Variants in KRT75 observed in about 807,000 individuals in gnomAD.
KRT75 encodes keratin 75.
In KRT75, 35 loss-of-function variants were observed where a neutral mutation model predicts 48.8. The observed-to-expected ratio is 0.72, with a 90% CI of 0.55 to 0.95. The LOEUF (loss-of-function observed/expected upper bound fraction) is 0.95, where lower values mean the gene tolerates loss of function less well. Ranked by LOEUF, KRT75 falls within the 40% of genes least tolerant of loss-of-function variation. KRT75 has a pLI of 0.00. For synonymous variants in KRT75, 301 were observed against 282.3 expected (o/e 1.07, Z -0.66); for missense variants, 776 against 709.9 (o/e 1.09, Z -1.06).
intron 8 of KRT75, among the ~76,000 whole-genome samples, chr12:52,425,076 G>A (rs947508903): frequency 2.0e-5 from 3 of 152,062 alleles, no homozygotes; most frequent in African/African-American, 4.8e-5. Flanking sequence ...CTCCCTGTCT[G>A]AGCCTGACTC....
intron 5 of KRT75, 130 bp downstream of exon 5, chr12:52,430,411 A>G: frequency 1.0e-6 from 1 of 985,804 alleles, no homozygotes; most frequent in Non-Finnish European, 1.6e-6. Flanking sequence ...TTGTCATAGC[A>G]TCAAAGACAT....
intron 1 of KRT75, among the ~76,000 whole-genome samples, chr12:52,433,553 T>A (rs1940174035): frequency 6.6e-6 from 1 of 152,118 alleles, no homozygotes; most frequent in African/African-American, 2.4e-5. Flanking sequence ...AACTCTCCTG[T>A]AGAGAATCAA....
Position 52,424,121 on chromosome 12 carries a change from C to A in KRT75, c.*396G>T, listed in dbSNP as rs142435194. ...CATTCCAGGGAGGGAACAGAGGGAGCACTCACTCCCAGCAGGCCACTTATA... is the reference window on the plus strand; with the variant it reads ...CATTCCAGGGAGGGAACAGAGGGAGAACTCACTCCCAGCAGGCCACTTATA... On this transcript the variant is annotated 3_prime_UTR_variant, in exon 9 of 9. Transcript: ENST00000252245. 758 of 319,050 alleles carry A rather than the reference C, an allele frequency of 2.4e-3. 9 individuals are homozygous for A. The highest frequency in any genetic ancestry group is 0.015 in the African/African-American group (702 of 46,964). The allele number at this position is 319,050 out of a possible 1,614,324, so 19.8% of individuals were successfully genotyped here. A position where few individuals can be genotyped will look rare whatever the true frequency, so the allele number is the denominator to read the frequency against.
In KRT75 at chr12:52,433,242, A is replaced by G. The variant is rs373848774; in HGVS notation, c.509T>C (p.Leu170Ser). The G allele has an allele frequency of 3.7e-6, 6 of 1,613,904 alleles. No homozygotes were observed. The highest frequency in any genetic ancestry group is 5.1e-6 in the Non-Finnish European group (6 of 1,179,922). The change falls in exon 2 of 9, where the codon TTG (leucine) becomes TCG (serine). Residue 170 changes from leucine (L) to serine (S), a missense_variant. Coordinates refer to ENST00000252245, the MANE Select transcript of KRT75 (RefSeq NM_004693.3). Reference sequence around the variant, plus strand: ...CTCCAGGACCTTGTTCTGCTGCTCCAAGAACCTCACCTGGAGGGAAGAAGA... The same window carrying G: ...CTCCAGGACCTTGTTCTGCTGCTCCGAGAACCTCACCTGGAGGGAAGAAGA... ...FASFIDKVRF[L>S]EQQNKVLETK...
chr12:52,431,775 G>C, intron 3 of KRT75, 137 bp from the exon 4 acceptor site: 1 of 805,516 alleles, frequency 1.2e-6, no homozygotes, highest in Admixed American at 2.1e-5. Context: ...TGGGGTTGGG[G>C]ATGGGTAATT....
intron 4 of KRT75, 135 bp from the exon 5 acceptor site, chr12:52,430,840 TC>T: frequency 1.0e-6 from 1 of 956,714 alleles, no homozygotes; most frequent in Non-Finnish European, 1.7e-6. Context: ...CCCTAGGTAT[TC>T]CCATTCATCC....
chr12:52,424,452 C>T lies in KRT75; in HGVS notation c.*65G>A. 1 of 1,395,174 alleles carries T rather than the reference C, an allele frequency of 7.2e-7. No individual in the cohort carries two copies. The highest frequency in any genetic ancestry group is 1.0e-6 in the Non-Finnish European group (1 of 980,304). The allele number at this position is 1,395,174 out of a possible 1,614,324, so 86.4% of individuals were successfully genotyped here. ...TACAAGGAGAGAGGAAGGAGGAGGA[C>T]CCTGGTGTCCAGGTGTGACTGCAAA... On this transcript the variant is annotated 3_prime_UTR_variant, in exon 9 of 9. Coordinates refer to ENST00000252245, the MANE Select transcript of KRT75 (RefSeq NM_004693.3).
At chr12:52,429,047 A>T (rs956287662) in intron 5 of KRT75, among the ~76,000 whole-genome samples, 1 of 152,186 alleles carries the variant, frequency 6.6e-6, no homozygotes, top group South Asian at 2.1e-4. Flanking sequence ...GTCTCTCCAG[A>T]GATGGAGATG....
Position 52,433,214 on chromosome 12 carries a change from G to A in KRT75, c.537C>T (p.Thr179=), listed in dbSNP as rs2232388. The A allele has an allele frequency of 1.3e-3, 2,091 of 1,613,946 alleles. 31 individuals carry two copies. The African/African-American group carries it at 0.024, about 19-fold the overall frequency. ...FLEQQNKVLE[T]KWALLQEQGS... Reference sequence around the variant, plus strand: ...CCTGCTCCTGCAGGAGGGCCCACTTGGTCTCCAGGACCTTGTTCTGCTGCT... The same window carrying A: ...CCTGCTCCTGCAGGAGGGCCCACTTAGTCTCCAGGACCTTGTTCTGCTGCT... The change falls in exon 2 of 9, where the codon ACC becomes ACT. Residue 179 remains threonine, a synonymous_variant. Transcript: ENST00000252245.
chr12:52,424,363 G>T lies in KRT75; in HGVS notation c.*154C>A. 1.3e-6 allele frequency: 1 copy of T among 777,006 alleles called. No homozygotes were observed. The highest frequency in any genetic ancestry group is 2.3e-6 in the Non-Finnish European group (1 of 434,258). The allele number at this position is 777,006 out of a possible 1,614,324, so 48.1% of individuals were successfully genotyped here. A position where few individuals can be genotyped will look rare whatever the true frequency, so the allele number is the denominator to read the frequency against. On this transcript the variant is annotated 3_prime_UTR_variant, in exon 9 of 9. Transcript: ENST00000252245. ...GTCTGGGCACTGTCAGGAGGGAGAG[G>T]CTGGCTTAGGCCTGGGAATGGGTAT...
In KRT75 at chr12:52,430,389, T is replaced by TGG. The variant is rs1291891411; in HGVS notation, c.1035+151_1035+152insCC. 216 of 840,736 alleles carry TGG rather than the reference T, an allele frequency of 2.6e-4. No individual in the cohort carries two copies. In the African/African-American group the frequency reaches 3.5e-3, roughly 13 times the overall value. 52.1% of individuals were successfully genotyped at this position (840,736 alleles called of 1,614,324 possible). On this transcript the variant is annotated intron_variant, in intron 5 of 8. Coordinates refer to ENST00000252245, the MANE Select transcript of KRT75 (RefSeq NM_004693.3). ...GTGTCTGGTTCGGTTTCCACATGCA[T>TGG]TTCAAGCTAAGTTGTCATAGCATCA...
chr12:52,429,897 G>C (rs887378859), intron 5 of KRT75, among the ~76,000 whole-genome samples: 2 of 152,212 alleles, frequency 1.3e-5, no homozygotes, highest in Non-Finnish European at 2.9e-5. Context: ...CTTTGCGGCT[G>C]TCTGAGCTCT....
At chr12:52,429,737 C>T (rs1440948401) in intron 5 of KRT75, among the ~76,000 whole-genome samples, 1 of 152,170 alleles carries the variant, frequency 6.6e-6, no homozygotes, top group Non-Finnish European at 1.5e-5. Flanking sequence ...CCTTCCTTTC[C>T]ACCACACTCC....
Position 52,430,547 on chromosome 12 carries a change from C to T in KRT75, c.1029G>A (p.Gln343=), listed in dbSNP as rs771055641. The T allele has an allele frequency of 1.1e-5, 17 of 1,614,004 alleles. No individual in the cohort carries two copies. The highest frequency in any genetic ancestry group is 1.4e-5 in the Non-Finnish European group (17 of 1,180,000). The change falls in exon 5 of 9, where the codon CAG becomes CAA. Residue 343 remains glutamine, a synonymous_variant. Coordinates refer to ENST00000252245, the MANE Select transcript of KRT75 (RefSeq NM_004693.3). ...RSRAEAESWY[Q]TKYEELQVTA... ...TGGAGGTGTCCATGCTCACCTTGGT[C>T]TGGTACCAGGACTCAGCCTCGGCCC...
In KRT75 at chr12:52,424,672, C is replaced by T. The variant is rs199738753; in HGVS notation, c.1501G>A (p.Gly501Ser). ...CCACCACTGGTGGTGAAGGAGTAGC[C>T]GCTGCCCCCACCGAGGCCCAGGTTT... is the stretch of plus-strand genomic sequence containing the variant. ...GGNLGLGGGS[G>S]YSFTTSGGHS... is the part of the protein sequence containing the mutation. The change falls in exon 9 of 9, where the codon GGC becomes AGC. Residue 501 changes from glycine to serine, a missense_variant. By Grantham distance (56) the Gly-to-Ser change is moderately conservative. Transcript: ENST00000252245. 1.0e-4 allele frequency: 161 copies of T among 1,614,078 alleles called. 1 individual carries two copies. The highest frequency in any genetic ancestry group is 6.5e-4 in the African/African-American group (49 of 75,034).
chr12:52,427,717 T>C (rs1402910744), intron 7 of KRT75, among the ~76,000 whole-genome samples: 1 of 152,252 alleles, frequency 6.6e-6, no homozygotes, highest in African/African-American at 2.4e-5. Flanking sequence ...GTTATTCACA[T>C]TTTATTGGAT....
chr12:52,428,365 G>T lies in KRT75; in HGVS notation c.1273C>A (p.Gln425Lys), dbSNP rs752947729. The change falls in exon 7 of 9, where the codon CAG (glutamine) becomes AAG (lysine). Residue 425 changes from glutamine to lysine, a missense_variant. Transcript: ENST00000252245. ...TCACGCAGGAGCCGAGCCATGTCCT[G>T]CTTGGCCTTCTGCAGGGCCTCCTCA... ...DLEEALQKAK[Q>K]DMARLLREYQ... 1.2e-6 allele frequency: 2 copies of T among 1,614,178 alleles called. No homozygotes were observed. Among genetic ancestry groups the T allele is most frequent in the Non-Finnish European group, 8.5e-7 (1 of 1,180,034 alleles).
chr12:52,424,451 A>T lies in KRT75; in HGVS notation c.*66T>A, dbSNP rs2121512133. On this transcript the variant is annotated 3_prime_UTR_variant, in exon 9 of 9. Transcript: ENST00000252245. ...TTACAAGGAGAGAGGAAGGAGGAGG[A>T]CCCTGGTGTCCAGGTGTGACTGCAA... is the stretch of plus-strand genomic sequence containing the variant. 1 of 1,375,824 alleles carries T rather than the reference A, an allele frequency of 7.3e-7. No individual in the cohort carries two copies. The highest frequency in any genetic ancestry group is 2.3e-5 in the East Asian group (1 of 43,740). The allele number at this position is 1,375,824 out of a possible 1,614,324, so 85.2% of individuals were successfully genotyped here. A position where few individuals can be genotyped will look rare whatever the true frequency, so the allele number is the denominator to read the frequency against.
chr12:52,432,048 G>A lies in KRT75; in HGVS notation c.732C>T (p.Asn244=), dbSNP rs1319581525. The change falls in exon 3 of 9, where the codon AAC becomes AAT. Residue 244 remains asparagine, a synonymous_variant. Transcript: ENST00000252245. The part of the protein sequence containing the change: ...DFKVRYEDEI[N]KRTAAENEFV... Reference sequence around the variant, plus strand: ...ATTCATTCTCAGCAGCTGTGCGCTTGTTAATTTCATCTTCGTACCTATAAG... The same window carrying A: ...ATTCATTCTCAGCAGCTGTGCGCTTATTAATTTCATCTTCGTACCTATAAG... 2.5e-6 allele frequency: 4 copies of A among 1,614,164 alleles called. No individual in the cohort carries two copies. Among genetic ancestry groups the A allele is most frequent in the Admixed American group, 3.3e-5 (2 of 60,018 alleles).
Sources: gnomAD v4.1 joint callset for allele counts (sites outside exome capture counted in the v4.1 genomes callset) on GRCh38, gnomAD v4.1.1 for gene constraint, MANE v1.5 for transcripts, NCBI Gene and HGNC (gene_info 2026-07-23, HGNC 2026-07-21) for gene names.